Variants in HOXD3 observed in about 807,000 individuals in gnomAD.
The protein encoded by HOXD3 is homeobox protein Hox-D3.
Under a neutral mutation model 32.8 loss-of-function variants are expected in HOXD3, and 13 were observed. That is an observed-to-expected ratio of 0.40 (90% CI 0.26 to 0.63). The LOEUF (loss-of-function observed/expected upper bound fraction) is 0.63. Ranked by LOEUF, HOXD3 falls within the 20% of genes least tolerant of loss-of-function variation. The pLI, the probability that HOXD3 is intolerant of heterozygous loss-of-function variation, is 0.44. For missense variants in HOXD3, 504 were observed against 577.1 expected, an observed-to-expected ratio of 0.87 and a Z score of 1.30; for synonymous variants, 241 against 246.8, an observed-to-expected ratio of 0.98 and a Z score of 0.22.
chr2:176,167,149 C>A (rs896960784), intron 2 of HOXD3, among the ~76,000 whole-genome samples: 1 of 152,136 alleles, frequency 6.6e-6, no homozygotes, highest in African/African-American at 2.4e-5. Flanking sequence ...AGAAGGGAAA[C>A]CCCCATAAAG....
rs1443394862 is a variant in HOXD3 at position 176,171,568 on chromosome 2, G to C, written c.593G>C (p.Arg198Pro). Residue 198 changes from arginine (R) to proline (P), a missense_variant, in exon 4 of 4, where the codon CGC becomes CCC. This residue lies in a region of HOXD3 where 97 missense variants were observed against 158.0 expected (regional missense o/e 0.61). Transcript: ENST00000683222. ...CCAGGCCCAGCATCCAAGCGGGTAC[G>C]CACGGCATACACGAGCGCGCAGCTG... ...SPPGPASKRVRTAYTSAQLVE... is the reference protein window; with the variant it reads ...SPPGPASKRVPTAYTSAQLVE... 2 of 1,611,092 alleles carry C rather than the reference G, an allele frequency of 1.2e-6. No homozygotes were observed. Among genetic ancestry groups the C allele is most frequent in the Non-Finnish European group, 1.7e-6 (2 of 1,178,384 alleles).
chr2:176,169,855 G>T (rs1691115605), intron 3 of HOXD3, among the ~76,000 whole-genome samples, 200 bp downstream of exon 3: 1 of 152,080 alleles, frequency 6.6e-6, no homozygotes, highest in South Asian at 2.1e-4. Context: ...CAGGCTGCTG[G>T]TGCTGTTGCT....
chr2:176,167,910 C>T (rs1396411773), intron 2 of HOXD3, among the ~76,000 whole-genome samples: 2 of 152,154 alleles, frequency 1.3e-5, no homozygotes, highest in Non-Finnish European at 2.9e-5. Context: ...CTGCAAGGAG[C>T]TTACAGTTTA....
chr2:176,157,837 G>T (rs905768302), intron 1 of HOXD3, among the ~76,000 whole-genome samples: 1 of 152,042 alleles, frequency 6.6e-6, no homozygotes, highest in African/African-American at 2.4e-5. Context: ...CCCGGCTGGC[G>T]GACGCGCCTG....
chr2:176,169,048 G>A lies in HOXD3; in HGVS notation c.-67G>A, dbSNP rs2105450395. On this transcript the variant is annotated 5_prime_UTR_variant, in exon 3 of 4. Coordinates refer to ENST00000683222, the MANE Select transcript of HOXD3 (RefSeq NM_006898.5). ...TCTGACAGGTCACCTGGAGCCTGGG[G>A]GCCGGCCCAGCTCTCTCAGGATTCA... 10 of 1,525,566 alleles carry A rather than the reference G, an allele frequency of 6.6e-6. No individual in the cohort carries two copies. In the South Asian group the frequency reaches 1.2e-4, roughly 18 times the overall value. 94.5% of individuals were successfully genotyped at this position (1,525,566 alleles called of 1,614,324 possible).
chr2:176,162,325 A>C (rs1690834483), intron 1 of HOXD3, among the ~76,000 whole-genome samples: 1 of 152,206 alleles, frequency 6.6e-6, no homozygotes, highest in South Asian at 2.1e-4. Context: ...CGAAAATTTC[A>C]ATAATCCCTA....
At chr2:176,153,204 A>T (rs1050937182), upstream of HOXD3, 6 of 511,668 alleles carry the variant, frequency 1.2e-5, no homozygotes. Context: ...AATCTTGGCG[A>T]GTCATTAAAC....
In HOXD3 at chr2:176,169,312, T is replaced by C. The variant is rs1198997177; in HGVS notation, c.198T>C (p.Ser66=). The change falls in exon 3 of 4, where the codon TCT becomes TCC. Residue 66 remains serine, a synonymous_variant. Coordinates refer to ENST00000683222, the MANE Select transcript of HOXD3 (RefSeq NM_006898.5). The stretch of plus-strand genomic sequence containing the variant: ...CCCTGGACACTGACTATCCAGGTTC[T>C]GCCTGCTCCATCCAGAGCTCTGCCC... ...ASSLDTDYPG[S]ACSIQSSAPL... 6.2e-7 allele frequency: 1 copy of C among 1,614,116 alleles called. No homozygotes were observed. Among genetic ancestry groups the C allele is most frequent in the Non-Finnish European group, 8.5e-7 (1 of 1,180,020 alleles).
intron 2 of HOXD3, among the ~76,000 whole-genome samples, chr2:176,168,519 A>G (rs1691061171): frequency 6.6e-6 from 1 of 151,422 alleles, no homozygotes. Context: ...GTAAGCTGAG[A>G]TCATGACACT....
At chr2:176,158,554 G>A (rs895088515) in intron 1 of HOXD3, among the ~76,000 whole-genome samples, 1 of 152,122 alleles carries the variant, frequency 6.6e-6, no homozygotes, top group Non-Finnish European at 1.5e-5. Flanking sequence ...CTGGCTGCGC[G>A]TGGTGGTTGT....
intron 3 of HOXD3, 114 bp downstream of exon 3, chr2:176,169,769 A>T: frequency 7.8e-7 from 1 of 1,289,156 alleles, no homozygotes; most frequent in South Asian, 1.5e-5. Flanking sequence ...ACTCCTACTC[A>T]CGTCAAAATG....
intron 3 of HOXD3, among the ~76,000 whole-genome samples, chr2:176,170,903 T>G (rs937349025): frequency 6.6e-5 from 10 of 151,196 alleles, no homozygotes; most frequent in Non-Finnish European, 1.2e-4. Flanking sequence ...CAGTGTTTTT[T>G]TTTGTTTGTT....
At chr2:176,166,536 G>A (rs1690976056) in intron 2 of HOXD3, among the ~76,000 whole-genome samples, 1 of 152,160 alleles carries the variant, frequency 6.6e-6, no homozygotes, top group South Asian at 2.1e-4. Context: ...TCTTCAGCAG[G>A]GGGCAAACAT....
chr2:176,166,197 G>A (rs2113561), intron 2 of HOXD3, among the ~76,000 whole-genome samples: 76,522 of 152,004 alleles, frequency 0.5, 20,831 homozygotes, highest in East Asian at 0.74. Flanking sequence ...GATGCCCAAT[G>A]TTTGTACTTT....
chr2:176,152,535 T>G (rs1574973723), upstream of HOXD3: 9 of 1,315,028 alleles, frequency 6.8e-6, no homozygotes, highest in East Asian at 2.1e-4. This position sits in a 1 kb window ranked among gnomAD's most constrained non-coding sequence, Gnocchi z 5.2. Context: ...CGCCAGGAAG[T>G]GAGCGGCGGA....
At chr2:176,153,167 A>C, upstream of HOXD3, 1 of 576,042 alleles carries the variant, frequency 1.7e-6, no homozygotes, top group Non-Finnish European at 3.1e-6. Flanking sequence ...TAAGTATATT[A>C]TATGGCAGGA....
chr2:176,169,395 G>A lies in HOXD3; in HGVS notation c.281G>A (p.Gly94Asp). Residue 94 changes from glycine (G) to aspartate (D), a missense_variant, in exon 3 of 4, where the codon GGC becomes GAC. Transcript: ENST00000683222. ...CTCAATGGCAGCTGCATGCGGCCGG[G>A]CACTGGGAACAGCCAGGGTGGGGGT... is the stretch of plus-strand genomic sequence containing the variant. ...AELNGSCMRP[G>D]TGNSQGGGGG... 5 of 1,613,974 alleles carry A rather than the reference G, an allele frequency of 3.1e-6. No individual in the cohort carries two copies. The highest frequency in any genetic ancestry group is 1.1e-5 in the South Asian group (1 of 91,060).
intron 1 of HOXD3, among the ~76,000 whole-genome samples, chr2:176,159,626 G>A (rs894659739): frequency 6.6e-6 from 1 of 152,176 alleles, no homozygotes; most frequent in African/African-American, 2.4e-5. Flanking sequence ...GAGGTCCGCT[G>A]CTGGCGCTGG....
chr2:176,162,857 T>A (rs565993257), intron 1 of HOXD3, among the ~76,000 whole-genome samples: 191 of 152,334 alleles, frequency 1.3e-3, no homozygotes, highest in Non-Finnish European at 2.1e-3. Flanking sequence ...AAAGAACTCT[T>A]TTTTAAAAAT....
Sources: gnomAD v4.1 joint callset for allele counts (sites outside exome capture counted in the v4.1 genomes callset) on GRCh38, gnomAD v4.1.1 for gene constraint, gnomAD v4.1.1 regional missense constraint, Gnocchi (gnomAD v3.1) non-coding constraint, MANE v1.5 for transcripts, NCBI Gene and HGNC (gene_info 2026-07-23, HGNC 2026-07-21) for gene names.